The following PLD5 variants were observed in gnomAD, a reference collection of about 807,000 sequenced individuals.
The protein encoded by PLD5 is inactive phospholipase D5.
PLD5 carries 36 observed loss-of-function variants against 61.1 expected under a neutral mutation model. The ratio of observed to expected loss-of-function variants is 0.59; its 90% CI spans 0.45 to 0.78. PLD5 has a LOEUF of 0.78. PLD5 is among the 30% of genes least tolerant of loss of function. The pLI is 0.00. For synonymous variants in PLD5, 243 were observed against 242.8 expected (o/e 1.00, Z -0.01); for missense variants, 515 against 644.4 (o/e 0.80, Z 2.17).
chr1:242,394,312 G>T (rs868503925), intron 1 of PLD5, among the ~76,000 whole-genome samples: 1 of 79,456 alleles, frequency 1.3e-5, no homozygotes, highest in Non-Finnish European at 2.4e-5. Context: ...GAGTATATAT[G>T]TGTGTATATA....
chr1:242,459,315 C>A (rs1462490696), intron 1 of PLD5, among the ~76,000 whole-genome samples: 2 of 152,126 alleles, frequency 1.3e-5, no homozygotes, highest in African/African-American at 4.8e-5. Flanking sequence ...ATTTTTGAGG[C>A]CTCTCAAGCA....
At chr1:242,195,090 G>T (rs551546086) in intron 5 of PLD5, among the ~76,000 whole-genome samples, 4 of 152,312 alleles carry the variant, frequency 2.6e-5, no homozygotes, top group African/African-American at 7.2e-5. Context: ...CTAGAACTTG[G>T]ATCAACAATG....
At chr1:242,435,799 A>C (rs1369960238) in intron 1 of PLD5, among the ~76,000 whole-genome samples, 1 of 152,204 alleles carries the variant, frequency 6.6e-6, no homozygotes, top group African/African-American at 2.4e-5. Context: ...ACTTACTTTT[A>C]GTTCTTTTCT....
chr1:242,249,413 A>G (rs1160359472), intron 4 of PLD5, among the ~76,000 whole-genome samples: 1 of 152,190 alleles, frequency 6.6e-6, no homozygotes, highest in Non-Finnish European at 1.5e-5. Context: ...GTCTCAAATA[A>G]GTTTCTGTTC....
At chr1:242,527,499 G>A (rs999715235), upstream of PLD5, among the ~76,000 whole-genome samples, 1 of 152,088 alleles carries the variant, frequency 6.6e-6, no homozygotes, top group African/African-American at 2.4e-5. Flanking sequence ...ACTGAATTGA[G>A]CATTATAATT....
intron 2 of PLD5, among the ~76,000 whole-genome samples, chr1:242,318,223 T>C (rs938867074): frequency 6.6e-6 from 1 of 152,024 alleles, no homozygotes; most frequent in Non-Finnish European, 1.5e-5. Context: ...CAGGCTGGGA[T>C]TAAGACACTT....
intron 1 of PLD5, among the ~76,000 whole-genome samples, chr1:242,421,072 C>A (rs917827744): frequency 6.7e-6 from 1 of 148,330 alleles, no homozygotes; most frequent in African/African-American, 2.5e-5. Flanking sequence ...CCCAGCTACT[C>A]GGGAGGCTGA....
intron 5 of PLD5, among the ~76,000 whole-genome samples, chr1:242,171,293 T>A (rs1396375759): frequency 2.0e-5 from 3 of 152,132 alleles, no homozygotes; most frequent in Admixed American, 1.3e-4. Context: ...CAGAGCTTCA[T>A]AACTGAAGGA....
chr1:242,265,351 G>C lies in PLD5; in HGVS notation c.593C>G (p.Ala198Gly). The C allele has an allele frequency of 3.7e-6, 6 of 1,609,984 alleles. No individual in the cohort carries two copies. The highest frequency in any genetic ancestry group is 5.1e-6 in the Non-Finnish European group (6 of 1,179,142). The change falls in exon 4 of 10, where the codon GCC becomes GGC. Residue 198 changes from alanine (A) to glycine (G), a missense_variant. Physicochemically the swap from Ala to Gly is moderately conservative, Grantham distance 60 (BLOSUM62 0). Transcript: ENST00000536534. ...DVTADSKVLE[A>G]LKLKGAEVTY... Reference sequence around the variant, plus strand: ...CTTGGTCTTACCCTTTAATTTCAAGGCTTCTAATACCTTTGAATCAGCTGT... The same window carrying C: ...CTTGGTCTTACCCTTTAATTTCAAGCCTTCTAATACCTTTGAATCAGCTGT...
chr1:242,224,597 A>T (rs1670811826), intron 4 of PLD5, among the ~76,000 whole-genome samples: 1 of 152,184 alleles, frequency 6.6e-6, no homozygotes, highest in Admixed American at 6.5e-5. Flanking sequence ...CCACATGCAA[A>T]AGAATGCTGA....
intron 1 of PLD5, among the ~76,000 whole-genome samples, chr1:242,350,040 CTT>C (rs796714790): frequency 1.5e-4 from 23 of 151,642 alleles, no homozygotes; most frequent in African/African-American, 4.8e-4. Context: ...CATAGTGAGA[CTT>C]TGTCTCTAAA....
chr1:242,255,914 A>G (rs1340556173), intron 4 of PLD5, among the ~76,000 whole-genome samples: 1 of 152,272 alleles, frequency 6.6e-6, no homozygotes, highest in Non-Finnish European at 1.5e-5. Context: ...GACTTTAATG[A>G]ATAAAATTTA....
In PLD5 at chr1:242,348,188, C is replaced by T. The variant is rs768025144; in HGVS notation, c.244G>A (p.Val82Ile). Residue 82 changes from valine to isoleucine, a missense_variant, in exon 2 of 10, where the codon GTT becomes ATT. Transcript: ENST00000536534. Reference sequence around the variant, plus strand: ...TCCACGGCTGAAAAGATCAGTGCAACCAGAATGGCAAAGCAGCACACCAGG... The same window carrying T: ...TCCACGGCTGAAAAGATCAGTGCAATCAGAATGGCAAAGCAGCACACCAGG... ...FALVCCFAILVALIFSAVDIM... is the reference protein window; with the variant it reads ...FALVCCFAILIALIFSAVDIM... 6 of 1,613,334 alleles carry T rather than the reference C, an allele frequency of 3.7e-6. No homozygotes were observed. Among genetic ancestry groups the T allele is most frequent in the Admixed American group, 1.7e-5 (1 of 59,960 alleles).
At chr1:242,204,363 A>T (rs189699618) in intron 5 of PLD5, among the ~76,000 whole-genome samples, 30 of 152,340 alleles carry the variant, frequency 2.0e-4, no homozygotes, top group South Asian at 1.2e-3. Context: ...TAGATGTAGA[A>T]TAAAGCTCTA....
intron 2 of PLD5, among the ~76,000 whole-genome samples, chr1:242,342,226 A>G (rs565268416): frequency 3.3e-5 from 5 of 152,326 alleles, no homozygotes; most frequent in Admixed American, 2.6e-4. Context: ...GTGAGTGTCT[A>G]ATAGTGTCTC....
upstream of PLD5, among the ~76,000 whole-genome samples, chr1:242,525,960 C>T (rs1312515217): frequency 1.3e-5 from 2 of 152,176 alleles, no homozygotes; most frequent in Non-Finnish European, 2.9e-5. Flanking sequence ...AGGAGCTGAA[C>T]TATATTGTGC....
Position 242,275,215 on chromosome 1 carries a change from A to AT in PLD5, c.496-9768dup, listed in dbSNP as rs113505483. ...CTTTTGAAGCAATATACTAGCATTGATTTTTTTTTTAATTTATGACCTAAG... is the reference window on the plus strand; with the variant it reads ...CTTTTGAAGCAATATACTAGCATTGATTTTTTTTTTTAATTTATGACCTAAG... On this transcript the variant is annotated intron_variant, in intron 3 of 9. Coordinates refer to ENST00000536534, the MANE Select transcript of PLD5 (RefSeq NM_001372062.1). 6.5e-3 allele frequency among the ~76,000 whole-genome samples: 974 copies of AT among 150,174 alleles called. 10 individuals are homozygous for AT. The highest frequency in any genetic ancestry group is 0.022 in the African/African-American group (921 of 41,016).
chr1:242,155,697 G>T (rs1665306318), intron 5 of PLD5, among the ~76,000 whole-genome samples: 1 of 152,154 alleles, frequency 6.6e-6, no homozygotes, highest in Admixed American at 6.5e-5. Flanking sequence ...TAATTTGATT[G>T]CAGTGTTGTC....
intron 5 of PLD5, among the ~76,000 whole-genome samples, chr1:242,161,284 G>A (rs1339730070): frequency 6.6e-6 from 1 of 152,218 alleles, no homozygotes; most frequent in African/African-American, 2.4e-5. Context: ...GCAAGAGCAT[G>A]TGCAGGGGAA....
Sources: gnomAD v4.1 joint callset for allele counts (sites outside exome capture counted in the v4.1 genomes callset) on GRCh38, gnomAD v4.1.1 for gene constraint, MANE v1.5 for transcripts, NCBI Gene and HGNC (gene_info 2026-07-23, HGNC 2026-07-21) for gene names.